Variants in GDPD5 observed in about 807,000 individuals in gnomAD.
The protein encoded by GDPD5 is glycerophosphodiester phosphodiesterase domain containing 5.
Under a neutral mutation model 75.1 loss-of-function variants are expected in GDPD5, and 48 were observed. That is an observed-to-expected ratio of 0.64 (90% confidence interval 0.51 to 0.81). The LOEUF is 0.81. Among genes scored for constraint, GDPD5 ranks in the 40% least tolerant of loss-of-function variants. The probability of loss-of-function intolerance (pLI) is 0.00; values close to 1 mark genes in which losing one functional copy is unlikely to be tolerated. For synonymous variants in GDPD5, 336 were observed against 339.0 expected, an observed-to-expected ratio of 0.99 and a Z score of 0.10; for missense variants, 706 against 822.6, an observed-to-expected ratio of 0.86 and a Z score of 1.73.
chr11:75,462,095 A>C (rs1350312722), intron 4 of GDPD5, among the ~76,000 whole-genome samples: 1 of 151,950 alleles, frequency 6.6e-6, no homozygotes, highest in Non-Finnish European at 1.5e-5. Context: ...TAAGGGAGTT[A>C]GGAGGCCTAG....
At chr11:75,502,114 A>G (rs1950314026) in intron 1 of GDPD5, among the ~76,000 whole-genome samples, 1 of 152,192 alleles carries the variant, frequency 6.6e-6, no homozygotes, top group African/African-American at 2.4e-5. Flanking sequence ...TACAGGATTA[A>G]GTACAAACCC....
chr11:75,493,264 A>ACACACACAC, intron 1 of GDPD5, among the ~76,000 whole-genome samples: 1 of 81,170 alleles, frequency 1.2e-5, no homozygotes. Context: ...CACACACACA[A>ACACACACAC]ATAAATTCAT....
chr11:75,442,255 A>T, intron 12 of GDPD5, 108 bp downstream of exon 12: 1 of 811,078 alleles, frequency 1.2e-6, no homozygotes, highest in Non-Finnish European at 1.9e-6. Context: ...TCCCCATTTT[A>T]CAAATGGGAA....
At chr11:75,507,256 C>G (rs1025112109) in intron 1 of GDPD5, among the ~76,000 whole-genome samples, 26 of 152,232 alleles carry the variant, frequency 1.7e-4, no homozygotes, top group African/African-American at 6.0e-4. Context: ...GTGGGCTACC[C>G]AAGGTCACAG....
intron 3 of GDPD5, among the ~76,000 whole-genome samples, chr11:75,472,375 T>C (rs1949687168): frequency 6.6e-6 from 1 of 152,158 alleles, no homozygotes; most frequent in Non-Finnish European, 1.5e-5. Flanking sequence ...TGGGATCCAT[T>C]CTTTCCAGCT....
At chr11:75,466,608 G>A (rs1293503318) in intron 3 of GDPD5, among the ~76,000 whole-genome samples, 1 of 152,142 alleles carries the variant, frequency 6.6e-6, no homozygotes, top group Non-Finnish European at 1.5e-5. Context: ...ACTAGGGGTT[G>A]TTTATTTAGG....
intron 3 of GDPD5, among the ~76,000 whole-genome samples, chr11:75,472,372 C>T (rs888461757): frequency 2.6e-5 from 4 of 152,180 alleles, no homozygotes; most frequent in African/African-American, 7.2e-5. Flanking sequence ...GAGTGGGATC[C>T]ATTCTTTCCA....
chr11:75,456,958 G>T (rs1949298280), intron 5 of GDPD5, 142 bp from the exon 6 acceptor site: 1 of 763,672 alleles, frequency 1.3e-6, no homozygotes. Context: ...CGATGGGAAT[G>T]CGCTGCCCTC....
chr11:75,439,533 C>T (rs1418609865), intron 15 of GDPD5, among the ~76,000 whole-genome samples: 1 of 151,892 alleles, frequency 6.6e-6, no homozygotes, highest in African/African-American at 2.4e-5. Flanking sequence ...ACCAACCACA[C>T]CTCCCCACTG....
intron 1 of GDPD5, among the ~76,000 whole-genome samples, chr11:75,496,198 G>A (rs368198479): frequency 3.3e-5 from 5 of 152,184 alleles, no homozygotes; most frequent in African/African-American, 9.7e-5. Context: ...CCTCTGCTGC[G>A]CCAGGCTAGA....
At position 75,482,152 on chromosome 11, in the gene GDPD5, C is replaced by G. The variant is rs536750912; in HGVS notation, c.-60-4357G>C. 2.0e-5 allele frequency among the ~76,000 whole-genome samples: 3 copies of G among 152,244 alleles called. No homozygotes were observed. The East Asian group carries it at 5.8e-4, about 29-fold the overall frequency. On this transcript the variant is annotated intron_variant, in intron 2 of 16. Transcript: ENST00000336898. ...CCCCACGACTGCACATTACAACCCA[C>G]CCAGGAATGGAAATTCCACTTCAAA...
intron 3 of GDPD5, among the ~76,000 whole-genome samples, chr11:75,472,452 CT>C (rs1231707013): frequency 6.6e-6 from 1 of 152,136 alleles, no homozygotes; most frequent in Non-Finnish European, 1.5e-5. Flanking sequence ...GGAAACTCAT[CT>C]CTTCCTCCCT....
At chr11:75,493,758 G>C (rs1014139117) in intron 1 of GDPD5, among the ~76,000 whole-genome samples, 2 of 152,128 alleles carry the variant, frequency 1.3e-5, no homozygotes, top group Non-Finnish European at 2.9e-5. Context: ...AGACAGCAGC[G>C]AGCACCAGTT....
intron 1 of GDPD5, among the ~76,000 whole-genome samples, chr11:75,495,766 T>C (rs574784800): frequency 4.6e-5 from 7 of 152,216 alleles, no homozygotes; most frequent in Non-Finnish European, 1.0e-4. Flanking sequence ...GATCTCTATT[T>C]GTATTTTTGC....
chr11:75,508,796 T>A (rs1035108440), intron 1 of GDPD5: 3 of 152,196 alleles, frequency 2.0e-5, no homozygotes, highest in Non-Finnish European at 4.4e-5. Flanking sequence ...GCCAGGACCA[T>A]CTGGAGCTGC....
intron 2 of GDPD5, among the ~76,000 whole-genome samples, chr11:75,484,459 TCC>T (rs1358254082): frequency 1.3e-5 from 2 of 152,172 alleles, no homozygotes; most frequent in African/African-American, 4.8e-5. Context: ...TCTAGTTCCT[TCC>T]AAGGAACTCT....
chr11:75,455,213 GC>G, intron 6 of GDPD5: 1 of 441,034 alleles, frequency 2.3e-6, no homozygotes, highest in Non-Finnish European at 4.5e-6. Context: ...CCTGCTGAGA[GC>G]CAGGCATGGC....
chr11:75,435,506 G>T lies in GDPD5; in HGVS notation c.*1C>A. The T allele has an allele frequency of 1.3e-6, 2 of 1,598,936 alleles. No homozygotes were observed. ...TACAGGTGGGACAGACATGTCTTCAGCTAACGCCCACTCCGCTCTATGAGG... is the reference window on the plus strand; with the variant it reads ...TACAGGTGGGACAGACATGTCTTCATCTAACGCCCACTCCGCTCTATGAGG... On this transcript the variant is annotated 3_prime_UTR_variant, in exon 17 of 17. Coordinates refer to ENST00000336898, the MANE Select transcript of GDPD5 (RefSeq NM_030792.8).
At chr11:75,493,229 T>TCTCACA (rs774632683) in intron 1 of GDPD5, among the ~76,000 whole-genome samples, 65 of 141,006 alleles carry the variant, frequency 4.6e-4, no homozygotes, top group Non-Finnish European at 8.0e-4. Flanking sequence ...CCCACACATC[T>TCTCACA]CACACACACA....
Sources: allele counts gnomAD v4.1 joint callset (sites outside exome capture counted in the v4.1 genomes callset), GRCh38; gene constraint gnomAD v4.1.1; transcripts MANE v1.5; gene names NCBI Gene and HGNC (gene_info 2026-07-23, HGNC 2026-07-21).